Variants in CPQ observed in about 807,000 individuals in gnomAD.
CPQ encodes carboxypeptidase Q.
CPQ carries 37 observed loss-of-function variants against 45.7 expected under a neutral mutation model. The observed-to-expected ratio is 0.81, with a 90% CI of 0.62 to 1.07. The LOEUF (loss-of-function observed/expected upper bound fraction) is 1.07, where lower values mean the gene tolerates loss of function less well. CPQ is among the 50% of genes least tolerant of loss of function. The pLI, the probability that CPQ is intolerant of heterozygous loss-of-function variation, is 0.00. For missense variants in CPQ, 537 were observed against 572.9 expected, an observed-to-expected ratio of 0.94 and a Z score of 0.64; for synonymous variants, 186 against 205.8, an observed-to-expected ratio of 0.90 and a Z score of 0.82.
In CPQ at chr8:97,066,168, G is replaced by C. The variant is rs1437224407; in HGVS notation, c.1213G>C (p.Glu405Gln). 5.6e-6 allele frequency: 9 copies of C among 1,611,394 alleles called. No individual in the cohort carries two copies. The highest frequency in any genetic ancestry group is 1.3e-5 in the African/African-American group (1 of 74,792). ...LNITQVLSHG[E>Q]GTDINFWIQA... ...TATCACTCAGGTCCTGAGCCATGGA[G>C]AAGGGACAGACATCAACTTTTGGAT... Residue 405 changes from glutamate to glutamine, a missense_variant, in exon 7 of 8, where the codon GAA (glutamate) becomes CAA (glutamine). Transcript: ENST00000220763.
chr8:97,025,769 T>G (rs1809789293), intron 5 of CPQ, among the ~76,000 whole-genome samples: 1 of 152,218 alleles, frequency 6.6e-6, no homozygotes, highest in African/African-American at 2.4e-5. Flanking sequence ...TGTATATATT[T>G]AAGACTTGTG....
intron 5 of CPQ, among the ~76,000 whole-genome samples, chr8:97,020,580 A>G (rs1395442354): frequency 6.6e-6 from 1 of 152,194 alleles, no homozygotes; most frequent in African/African-American, 2.4e-5. Context: ...AGGTCATTCA[A>G]GGGTACTATG....
chr8:97,072,122 T>C (rs1024877378), intron 7 of CPQ, among the ~76,000 whole-genome samples: 4 of 152,146 alleles, frequency 2.6e-5, no homozygotes, highest in African/African-American at 9.7e-5. Context: ...GCAGAGGCGA[T>C]AGAGTGGAAT....
chr8:97,031,058 C>T (rs921087414), intron 6 of CPQ, among the ~76,000 whole-genome samples: 60 of 152,060 alleles, frequency 3.9e-4, no homozygotes, highest in African/African-American at 1.4e-3. Context: ...ACAAGAAGAA[C>T]ATATGAATCA....
At chr8:96,867,658 T>G (rs1314209587) in intron 3 of CPQ, among the ~76,000 whole-genome samples, 1 of 151,980 alleles carries the variant, frequency 6.6e-6, no homozygotes, top group African/African-American at 2.4e-5. Flanking sequence ...TTTTAAGTCA[T>G]TTTTTGCTAT....
intron 3 of CPQ, among the ~76,000 whole-genome samples, chr8:96,838,941 G>A (rs1296698372): frequency 1.3e-5 from 2 of 152,022 alleles, no homozygotes; most frequent in Non-Finnish European, 2.9e-5. Flanking sequence ...CATTTTTTCT[G>A]CCACTACACT....
At chr8:96,834,942 TA>T (rs1178406848) in intron 2 of CPQ, 30 bp from the exon 3 acceptor site, 1 of 1,596,044 alleles carries the variant, frequency 6.3e-7, no homozygotes, top group Non-Finnish European at 8.6e-7. Context: ...TGGGAAACTG[TA>T]AGTTAATCTT....
intron 3 of CPQ, among the ~76,000 whole-genome samples, chr8:96,871,689 A>G (rs1812069946): frequency 6.6e-6 from 1 of 151,874 alleles, no homozygotes; most frequent in Non-Finnish European, 1.5e-5. Flanking sequence ...AGTTTACATC[A>G]TTGAAAACTC....
intron 2 of CPQ, among the ~76,000 whole-genome samples, chr8:96,825,304 G>T (rs1811365682): frequency 6.6e-6 from 1 of 152,006 alleles, no homozygotes; most frequent in Non-Finnish European, 1.5e-5. Context: ...CTATAGTTAG[G>T]ATGTAAGGTA....
chr8:96,785,919 T>C (rs1810762460), intron 2 of CPQ, among the ~76,000 whole-genome samples: 1 of 152,188 alleles, frequency 6.6e-6, no homozygotes, highest in South Asian at 2.1e-4. Flanking sequence ...AATATATCCA[T>C]GGGCTAATTT....
At chr8:96,674,372 C>T (rs1809047107) in intron 1 of CPQ, among the ~76,000 whole-genome samples, 1 of 152,096 alleles carries the variant, frequency 6.6e-6, no homozygotes, top group Non-Finnish European at 1.5e-5. Flanking sequence ...ATTGATGTGG[C>T]TGAATAGCAT....
chr8:96,952,627 A>G (rs28605041), intron 4 of CPQ, among the ~76,000 whole-genome samples: 11,364 of 152,192 alleles, frequency 0.075, 815 homozygotes, highest in African/African-American at 0.19. Context: ...TATAAGGGGT[A>G]TAGCAATCTT....
intron 7 of CPQ, among the ~76,000 whole-genome samples, chr8:97,091,850 GGATA>G (rs1464328065): frequency 7.7e-6 from 1 of 129,826 alleles, no homozygotes; most frequent in Non-Finnish European, 1.8e-5. Context: ...AAAGATGGAT[GGATA>G]GATGGATGGA....
chr8:96,788,069 C>G (rs889915501), intron 2 of CPQ, among the ~76,000 whole-genome samples: 4 of 145,682 alleles, frequency 2.7e-5, no homozygotes, highest in Non-Finnish European at 4.5e-5. Context: ...TTCTTTTTTT[C>G]TTTTCTTTCT....
At chr8:97,100,879 T>A (rs1027128581) in intron 7 of CPQ, among the ~76,000 whole-genome samples, 1 of 152,094 alleles carries the variant, frequency 6.6e-6, no homozygotes, top group African/African-American at 2.4e-5. Context: ...AATTTCAAAA[T>A]AGTACAAGGG....
chr8:97,083,336 C>G (rs1810986857), intron 7 of CPQ, among the ~76,000 whole-genome samples: 2 of 152,206 alleles, frequency 1.3e-5, no homozygotes, highest in Middle Eastern at 3.4e-3. Flanking sequence ...ACTCGACTAT[C>G]CTAAGAAACA....
At chr8:96,662,288 G>C (rs1815709542) in intron 1 of CPQ, among the ~76,000 whole-genome samples, 1 of 152,050 alleles carries the variant, frequency 6.6e-6, no homozygotes, top group Non-Finnish European at 1.5e-5. Flanking sequence ...TATTTTTAAT[G>C]TGTATTTTCA....
In CPQ at chr8:97,066,158, G is replaced by A. The variant is rs753840714; in HGVS notation, c.1203G>A (p.Leu401=). 2 of 1,611,866 alleles carry A rather than the reference G, an allele frequency of 1.2e-6. No homozygotes were observed. Among genetic ancestry groups the A allele is most frequent in the East Asian group, 2.2e-5 (1 of 44,842 alleles). Residue 401 remains leucine, a synonymous_variant, in exon 7 of 8, where the codon CTG becomes CTA. Coordinates refer to ENST00000220763, the MANE Select transcript of CPQ (RefSeq NM_016134.4). The part of the protein sequence containing the change: ...LLQPLNITQV[L]SHGEGTDINF... ...AGCCCCTCAATATCACTCAGGTCCT[G>A]AGCCATGGAGAAGGGACAGACATCA...
At chr8:97,063,552 A>G (rs1230501493) in intron 6 of CPQ, among the ~76,000 whole-genome samples, 1 of 152,108 alleles carries the variant, frequency 6.6e-6, no homozygotes, top group Admixed American at 6.6e-5. Context: ...GCTAGTTCCT[A>G]TGTCCAGAAT....
Sources: gnomAD v4.1 joint callset for allele counts (sites outside exome capture counted in the v4.1 genomes callset) on GRCh38, gnomAD v4.1.1 for gene constraint, MANE v1.5 for transcripts, NCBI Gene and HGNC (gene_info 2026-07-23, HGNC 2026-07-21) for gene names.